The following SRP68 variants were observed in gnomAD, a reference collection of about 807,000 sequenced individuals.
The protein encoded by SRP68 is signal recognition particle subunit SRP68.
SRP68 carries 15 observed loss-of-function variants against 82.2 expected under a neutral mutation model. The observed-to-expected ratio is 0.18, with a 90% CI of 0.12 to 0.28. The LOEUF is 0.28. SRP68 is among the 10% of genes least tolerant of loss of function. The probability of loss-of-function intolerance (pLI) is 1.00; values close to 1 mark genes in which losing one functional copy is unlikely to be tolerated. For synonymous variants in SRP68, 261 were observed against 292.6 expected (o/e 0.89, Z 1.10); for missense variants, 595 against 780.5 (o/e 0.76, Z 2.83).
At chr17:76,068,184 C>A (rs1458409938) in intron 2 of SRP68, among the ~76,000 whole-genome samples, 1 of 151,944 alleles carries the variant, frequency 6.6e-6, no homozygotes, top group African/African-American at 2.4e-5. Flanking sequence ...CCAGCCTACT[C>A]GGGAGGATGA....
chr17:76,062,489 TATATATATA>T lies in SRP68; in HGVS notation c.562-924_562-916del, dbSNP rs1567934572. ...AACCCAAACAAAGAATATGGAGATA[TATATATATA>T]ATATATATATAATATACATTATATA... On this transcript the variant is annotated intron_variant, in intron 4 of 15. Coordinates refer to ENST00000307877, the MANE Select transcript of SRP68 (RefSeq NM_014230.4). Among the ~76,000 whole-genome samples, 28 of 105,430 alleles carry T rather than the reference TATATATATA, an allele frequency of 2.7e-4. 2 individuals are homozygous for T. The highest frequency in any genetic ancestry group is 1.1e-3 in the African/African-American group (27 of 25,178). The allele number at this position is 105,430 out of a possible 152,430, so 69.2% of individuals were successfully genotyped here.
intron 10 of SRP68, 31 bp from the exon 11 acceptor site, chr17:76,046,225 T>C (rs781106380): frequency 1.9e-6 from 3 of 1,611,306 alleles, no homozygotes; most frequent in African/African-American, 2.7e-5. Flanking sequence ...GCTCAAGTTA[T>C]ACTCAGAGAA....
At chr17:76,064,220 C>G in intron 3 of SRP68, 49 bp from the exon 4 acceptor site, 3 of 1,533,138 alleles carry the variant, frequency 2.0e-6, no homozygotes, top group Non-Finnish European at 2.7e-6. Flanking sequence ...TCAACAGACC[C>G]AGATATTCTC....
At position 76,045,226 on chromosome 17, in the gene SRP68, G is replaced by T. The variant is rs948536417; in HGVS notation, c.1394+66C>A. On this transcript the variant is annotated intron_variant, in intron 12 of 15. Transcript: ENST00000307877. ...AACGGTCCCATCTGCTGTGGGCTGG[G>T]TCATGCTCCCAATGCTTATAGAACC... The T allele has an allele frequency of 7.8e-6, 10 of 1,280,156 alleles. No individual in the cohort carries two copies. The East Asian group carries it at 2.3e-4, about 30-fold the overall frequency. 79.3% of individuals were successfully genotyped at this position (1,280,156 alleles called of 1,614,324 possible). A position where few individuals can be genotyped will look rare whatever the true frequency, so the allele number is the denominator to read the frequency against.
chr17:76,050,306 C>G, intron 9 of SRP68, 122 bp downstream of exon 9: 1 of 684,132 alleles, frequency 1.5e-6, no homozygotes, highest in South Asian at 1.7e-5. Context: ...CTCAAAAAAA[C>G]AAAAACGAAA....
chr17:76,043,904 A>G lies in SRP68; in HGVS notation c.1449T>C (p.Leu483=), dbSNP rs1055354851. ...ATTTCAGGACTCTGTCATACAGGACAAGGGCTTCGCTCCACTTCTTCACCA... is the reference window on the plus strand; with the variant it reads ...ATTTCAGGACTCTGTCATACAGGACGAGGGCTTCGCTCCACTTCTTCACCA... ...YVLVKKWSEA[L]VLYDRVLKYA... is the part of the protein sequence containing the mutation. Residue 483 remains leucine (L), a synonymous_variant, in exon 13 of 16, where the codon CTT becomes CTC. Coordinates refer to ENST00000307877, the MANE Select transcript of SRP68 (RefSeq NM_014230.4). 10 of 1,611,664 alleles carry G rather than the reference A, an allele frequency of 6.2e-6. No homozygotes were observed. Among genetic ancestry groups the G allele is most frequent in the Non-Finnish European group, 8.5e-6 (10 of 1,179,364 alleles).
In SRP68 at chr17:76,039,322, GT is replaced by G; in HGVS notation, c.*383del. ...TCCTGGATGCTCACAGCAAGGATGA[GT>G]TCATTTCAAATCCATGGTACTGAAG... On this transcript the variant is annotated 3_prime_UTR_variant, in exon 16 of 16. Transcript: ENST00000307877. The G allele has an allele frequency of 2.1e-6, 1 of 468,716 alleles. No homozygotes were observed. The highest frequency in any genetic ancestry group is 1.5e-5 in the South Asian group (1 of 64,664). 29.0% of individuals were successfully genotyped at this position (468,716 alleles called of 1,614,324 possible).
At chr17:76,068,405 G>A (rs1465712978) in intron 2 of SRP68, among the ~76,000 whole-genome samples, 2 of 149,316 alleles carry the variant, frequency 1.3e-5, no homozygotes, top group African/African-American at 2.5e-5. Flanking sequence ...GCAGTGAGCC[G>A]AGAACACGCC....
chr17:76,061,630 C>A (rs2144516551), intron 4 of SRP68, 56 bp from the exon 5 acceptor site: 2 of 1,421,766 alleles, frequency 1.4e-6, no homozygotes, highest in South Asian at 2.3e-5. Context: ...TGCTCCCACT[C>A]AATCTTCCTT....
At chr17:76,069,644 T>A (rs1401336149) in intron 2 of SRP68, among the ~76,000 whole-genome samples, 1 of 145,576 alleles carries the variant, frequency 6.9e-6, no homozygotes, top group Admixed American at 6.9e-5. Flanking sequence ...GAGGCGGAGG[T>A]TGCAGTGAGC....
chr17:76,056,611 C>A (rs866769218), intron 8 of SRP68, among the ~76,000 whole-genome samples: 1 of 152,190 alleles, frequency 6.6e-6, no homozygotes, highest in Non-Finnish European at 1.5e-5. Flanking sequence ...CATTCTGGAG[C>A]AAGTTGCTGA....
rs1255362474 is a variant in SRP68 at position 76,071,061 on chromosome 17, T to G, written c.185-617A>C. Among the ~76,000 whole-genome samples the G allele has an allele frequency of 6.6e-6, 1 of 152,210 alleles. No individual in the cohort carries two copies. Among genetic ancestry groups the G allele is most frequent in the Non-Finnish European group, 1.5e-5 (1 of 68,048 alleles). On this transcript the variant is annotated intron_variant, in intron 1 of 15. Coordinates refer to ENST00000307877, the MANE Select transcript of SRP68 (RefSeq NM_014230.4). This position sits in a 1 kb window ranked among gnomAD's most constrained non-coding sequence, Gnocchi z 4.7. ...TGCCAAAACCCAGTTTAAATTAAGC[T>G]GATGGATTCTAAATGCTGACTATAA...
chr17:76,050,482 G>A lies in SRP68; in HGVS notation c.1023C>T (p.Leu341=), dbSNP rs867781490. ...ETKERLFESM[L]SECRDAIQVV... ...CCTGGATGGCGTCCCGACACTCGCT[G>A]AGCATTGATTCAAACAGGCGCTCCT... The change falls in exon 9 of 16, where the codon CTC becomes CTT. Residue 341 remains leucine, a synonymous_variant. Transcript: ENST00000307877. The A allele has an allele frequency of 5.0e-6, 8 of 1,613,802 alleles. No individual in the cohort carries two copies. The Middle Eastern group carries it at 9.9e-4, about 200-fold the overall frequency.
intron 8 of SRP68, among the ~76,000 whole-genome samples, chr17:76,051,231 C>A (rs2066670067): frequency 6.6e-6 from 1 of 152,148 alleles, no homozygotes; most frequent in African/African-American, 2.4e-5. Flanking sequence ...CTGGGTGTCA[C>A]CTGTCTGCTA....
At chr17:76,048,970 G>A (rs1333804013) in intron 9 of SRP68, 3 of 152,234 alleles carry the variant, frequency 2.0e-5, no homozygotes, top group African/African-American at 4.8e-5. Context: ...GGAAGCAGGT[G>A]ACTCCTTAGA....
chr17:76,072,453 G>C lies in SRP68; in HGVS notation c.39C>G (p.Gly13=). The C allele has an allele frequency of 6.3e-7, 1 of 1,580,294 alleles. No homozygotes were observed. The highest frequency in any genetic ancestry group is 1.3e-5 in the African/African-American group (1 of 74,320). Residue 13 remains glycine (G), a synonymous_variant, in exon 1 of 16, where the codon GGC becomes GGG. Coordinates refer to ENST00000307877, the MANE Select transcript of SRP68 (RefSeq NM_014230.4). This position sits in a 1 kb window ranked among gnomAD's most constrained non-coding sequence, Gnocchi z 4.5. ...AEKQVPGGGG[G]GGSGGGGGSG... ...TGCCACCGCCGCCGCCACTGCCGCC[G>C]CCGCCGCCGCCGCCTGGGACCTGCT...
chr17:76,068,061 G>A (rs1316694765), intron 2 of SRP68, among the ~76,000 whole-genome samples: 4 of 152,134 alleles, frequency 2.6e-5, no homozygotes, highest in Non-Finnish European at 5.9e-5. Context: ...GGAGGCCGAG[G>A]TGGGCGGATC....
At chr17:76,067,741 C>T (rs998956717) in intron 2 of SRP68, among the ~76,000 whole-genome samples, 7 of 152,042 alleles carry the variant, frequency 4.6e-5, no homozygotes, top group Non-Finnish European at 4.4e-5. Context: ...GCTGGGATTA[C>T]AGGCATGAGC....
chr17:76,039,491 C>A lies in SRP68; in HGVS notation c.*215G>T. On this transcript the variant is annotated 3_prime_UTR_variant, in exon 16 of 16. Coordinates refer to ENST00000307877, the MANE Select transcript of SRP68 (RefSeq NM_014230.4). ...CCAGGAGGTACAGGAGACAGGATGA[C>A]CCTGCACACATTTACCAGAAGACAA... 1.5e-6 allele frequency: 1 copy of A among 652,544 alleles called. No homozygotes were observed. Among genetic ancestry groups the A allele is most frequent in the South Asian group, 1.6e-5 (1 of 60,654 alleles). 40.4% of individuals were successfully genotyped at this position (652,544 alleles called of 1,614,324 possible).
Sources: gnomAD v4.1 joint callset for allele counts (sites outside exome capture counted in the v4.1 genomes callset) on GRCh38, gnomAD v4.1.1 for gene constraint, Gnocchi (gnomAD v3.1) non-coding constraint, MANE v1.5 for transcripts, NCBI Gene and HGNC (gene_info 2026-07-23, HGNC 2026-07-21) for gene names.